TBCEL: variants seen among roughly 807,000 people sequenced by gnomAD.
TBCEL encodes the protein tubulin folding cofactor E like.
In TBCEL, 15 loss-of-function variants were observed where a neutral mutation model predicts 44.2. The observed-to-expected ratio is 0.34, with a 90% CI of 0.23 to 0.52. The LOEUF is 0.52. Among genes scored for constraint, TBCEL ranks in the 20% least tolerant of loss-of-function variants. The pLI, the probability that TBCEL is intolerant of heterozygous loss-of-function variation, is 0.95. For synonymous variants in TBCEL, 171 were observed against 185.4 expected, an observed-to-expected ratio of 0.92 and a Z score of 0.63; for missense variants, 319 against 506.3, an observed-to-expected ratio of 0.63 and a Z score of 3.55.
At chr11:121,074,488 A>T (rs1945998154) in intron 8 of TBCEL, among the ~76,000 whole-genome samples, 1 of 151,926 alleles carries the variant, frequency 6.6e-6, no homozygotes, top group Non-Finnish European at 1.5e-5. Context: ...ATCAATATTC[A>T]TCTTTTTATT....
chr11:121,078,771 C>G (rs1184852140), intron 8 of TBCEL, among the ~76,000 whole-genome samples: 1 of 152,148 alleles, frequency 6.6e-6, no homozygotes, highest in Non-Finnish European at 1.5e-5. Flanking sequence ...GATTTCTAGC[C>G]TGGAGGTCTT....
intron 8 of TBCEL, among the ~76,000 whole-genome samples, chr11:121,067,813 A>G (rs145846484): frequency 1.3e-5 from 2 of 152,328 alleles, no homozygotes; most frequent in African/African-American, 4.8e-5. Context: ...AAATAACTCT[A>G]GATTCTAGCT....
chr11:121,030,908 T>C (rs1945131427), intron 1 of TBCEL, among the ~76,000 whole-genome samples: 1 of 152,184 alleles, frequency 6.6e-6, no homozygotes, highest in African/African-American at 2.4e-5. Context: ...CATTGTTTTA[T>C]TTTTCTGCCC....
chr11:121,045,071 A>G (rs751028683), intron 2 of TBCEL, among the ~76,000 whole-genome samples: 24 of 152,022 alleles, frequency 1.6e-4, no homozygotes, highest in Admixed American at 2.6e-4. Flanking sequence ...TCAGTTTTCT[A>G]GGCAACAGAT....
chr11:121,061,386 T>C (rs1945717957), intron 8 of TBCEL, among the ~76,000 whole-genome samples: 1 of 151,914 alleles, frequency 6.6e-6, no homozygotes, highest in South Asian at 2.1e-4. Context: ...GACACACACA[T>C]ACACATATAT....
At chr11:121,069,929 C>T (rs1945895788) in intron 8 of TBCEL, among the ~76,000 whole-genome samples, 2 of 152,062 alleles carry the variant, frequency 1.3e-5, no homozygotes, top group South Asian at 2.1e-4. Context: ...CAGTGGGAAA[C>T]CATTGAAAGG....
intron 8 of TBCEL, among the ~76,000 whole-genome samples, chr11:121,068,971 T>A (rs1286009224): frequency 2.0e-5 from 3 of 152,096 alleles, no homozygotes; most frequent in Non-Finnish European, 2.9e-5. Flanking sequence ...CTCAGGCCTT[T>A]GCACTTTGTT....
Position 121,089,887 on chromosome 11 carries a change from A to G in TBCEL, c.*2791A>G, listed in dbSNP as rs1227303213. On this transcript the variant is annotated 3_prime_UTR_variant, in exon 9 of 9. Coordinates refer to ENST00000683345, the MANE Select transcript of TBCEL (RefSeq NM_001363644.2). ...AGTTATGAAAAAGGAAAAGAGTAATAAAGAAAACCAAATCAAAACCAAGGG... is the reference window on the plus strand; with the variant it reads ...AGTTATGAAAAAGGAAAAGAGTAATGAAGAAAACCAAATCAAAACCAAGGG... 6.6e-6 allele frequency: 1 copy of G among 152,226 alleles called. No homozygotes were observed. The highest frequency in any genetic ancestry group is 1.5e-5 in the Non-Finnish European group (1 of 68,038). 9.4% of individuals were successfully genotyped at this position (152,226 alleles called of 1,614,324 possible). A position where few individuals can be genotyped will look rare whatever the true frequency, so the allele number is the denominator to read the frequency against.
intron 8 of TBCEL, among the ~76,000 whole-genome samples, chr11:121,082,560 A>T (rs1291311664): frequency 6.6e-6 from 1 of 152,212 alleles, no homozygotes; most frequent in African/African-American, 2.4e-5. Flanking sequence ...GTATTACGTG[A>T]TTTTAAGTAG....
At chr11:121,080,947 C>A (rs891908061) in intron 8 of TBCEL, among the ~76,000 whole-genome samples, 1 of 152,204 alleles carries the variant, frequency 6.6e-6, no homozygotes, top group Non-Finnish European at 1.5e-5. Context: ...CTTATTTGCA[C>A]TGGGAGTAGA....
chr11:121,060,746 G>T, intron 8 of TBCEL, among the ~76,000 whole-genome samples: 1 of 151,866 alleles, frequency 6.6e-6, no homozygotes, highest in Non-Finnish European at 1.5e-5. Context: ...ACAGGTTTCT[G>T]GGTATTGATA....
At position 121,036,544 on chromosome 11, in the gene TBCEL, C is replaced by T. The variant is rs186987068; in HGVS notation, c.-86C>T. 35 of 152,208 alleles carry T rather than the reference C, an allele frequency of 2.3e-4. No homozygotes were observed. Among genetic ancestry groups the T allele is most frequent in the African/African-American group, 7.7e-4 (32 of 41,526 alleles). The allele number at this position is 152,208 out of a possible 1,614,324, so 9.4% of individuals were successfully genotyped here. ...TAGGGATATAGACAGTTGGTTTAAACCAACATTTTTGGACGAGGAGAGGCT... is the reference window on the plus strand; with the variant it reads ...TAGGGATATAGACAGTTGGTTTAAATCAACATTTTTGGACGAGGAGAGGCT... On this transcript the variant is annotated 5_prime_UTR_variant, in exon 2 of 9. Transcript: ENST00000683345.
chr11:121,053,176 G>A (rs992860239), intron 4 of TBCEL, among the ~76,000 whole-genome samples: 4 of 151,868 alleles, frequency 2.6e-5, no homozygotes, highest in Admixed American at 6.6e-5. Context: ...GATATTCGAA[G>A]AGGATTATAT....
chr11:121,038,477 T>A (rs1171530030), intron 2 of TBCEL, among the ~76,000 whole-genome samples: 1 of 152,026 alleles, frequency 6.6e-6, no homozygotes, highest in Non-Finnish European at 1.5e-5. Context: ...TTAAAATGTA[T>A]AAGAATCTGG....
intron 1 of TBCEL, among the ~76,000 whole-genome samples, chr11:121,034,597 A>G (rs1362110867): frequency 6.6e-6 from 1 of 152,196 alleles, no homozygotes; most frequent in Non-Finnish European, 1.5e-5. Flanking sequence ...TAGCACATTT[A>G]TGGGGTGTCA....
intron 1 of TBCEL, among the ~76,000 whole-genome samples, chr11:121,026,387 G>T (rs974044652): frequency 3.9e-5 from 6 of 152,212 alleles, no homozygotes; most frequent in African/African-American, 1.2e-4. Context: ...CCTTTGAAAA[G>T]TTGTTACATA....
intron 8 of TBCEL, among the ~76,000 whole-genome samples, chr11:121,082,523 T>G (rs2135018333): frequency 6.6e-6 from 1 of 152,330 alleles, no homozygotes; most frequent in South Asian, 2.1e-4. Flanking sequence ...ACAATCATGT[T>G]GAAGAGTTAG....
intron 8 of TBCEL, among the ~76,000 whole-genome samples, chr11:121,084,382 C>T (rs1946178956): frequency 6.6e-6 from 1 of 152,120 alleles, no homozygotes; most frequent in African/African-American, 2.4e-5. Context: ...TATTCAAGTA[C>T]TTACTAATTT....
rs1946256745 is a variant in TBCEL at position 121,089,117 on chromosome 11, T to C, written c.*2021T>C. 2 of 152,214 alleles carry C rather than the reference T, an allele frequency of 1.3e-5. No individual in the cohort carries two copies. Among genetic ancestry groups the C allele is most frequent in the South Asian group, 4.1e-4 (2 of 4,830 alleles). 9.4% of individuals were successfully genotyped at this position (152,214 alleles called of 1,614,324 possible). On this transcript the variant is annotated 3_prime_UTR_variant, in exon 9 of 9. Coordinates refer to ENST00000683345, the MANE Select transcript of TBCEL (RefSeq NM_001363644.2). ...AGAGAAAAAGTGTAATTGAGCCCTT[T>C]GCTTTTGTCAGCCTGGGAAACAGAT...
Sources: allele counts gnomAD v4.1 joint callset (sites outside exome capture counted in the v4.1 genomes callset), GRCh38; gene constraint gnomAD v4.1.1; transcripts MANE v1.5; gene names NCBI Gene and HGNC (gene_info 2026-07-23, HGNC 2026-07-21).